MCF2L: variants seen among roughly 807,000 people sequenced by gnomAD.
The protein encoded by MCF2L is guanine nucleotide exchange factor DBS.
MCF2L carries 97 observed loss-of-function variants against 153.4 expected under a neutral mutation model. That is an observed-to-expected ratio of 0.63 (90% CI 0.54 to 0.75). MCF2L has a LOEUF of 0.75. Ranked by LOEUF, MCF2L falls within the 30% of genes least tolerant of loss-of-function variation. The probability of loss-of-function intolerance (pLI) is 0.00; values close to 1 mark genes in which losing one functional copy is unlikely to be tolerated. For synonymous variants in MCF2L, 659 were observed against 632.2 expected (o/e 1.04, Z -0.64); for missense variants, 1,347 against 1,495.2 (o/e 0.90, Z 1.64).
intron 4 of MCF2L, among the ~76,000 whole-genome samples, chr13:113,052,972 A>G (rs2087464167): frequency 6.6e-6 from 1 of 152,170 alleles, no homozygotes; most frequent in South Asian, 2.1e-4. Context: ...ACACAGGCAC[A>G]GAGACACACA....
At chr13:112,989,547 C>G (rs1319952127) in intron 1 of MCF2L, among the ~76,000 whole-genome samples, 2 of 17,616 alleles carry the variant, frequency 1.1e-4, no homozygotes, top group Non-Finnish European at 1.0e-3. Context: ...ATGGAGCTAC[C>G]ACACTGGAGT....
chr13:113,059,651 C>T (rs987288080), intron 4 of MCF2L, among the ~76,000 whole-genome samples: 6 of 152,168 alleles, frequency 3.9e-5, no homozygotes, highest in Admixed American at 6.5e-5. Flanking sequence ...GTCCACTGAA[C>T]GCCACGCACG....
intron 2 of MCF2L, among the ~76,000 whole-genome samples, chr13:112,962,322 C>G (rs1362237657): frequency 2.6e-5 from 4 of 152,222 alleles, no homozygotes; most frequent in Non-Finnish European, 4.4e-5. Flanking sequence ...TGCACATACA[C>G]ATACACACCT....
intron 15 of MCF2L, among the ~76,000 whole-genome samples, chr13:113,079,445 G>A (rs1033063899): frequency 7.2e-5 from 11 of 152,274 alleles, no homozygotes; most frequent in African/African-American, 2.6e-4. Context: ...CACTGTCTCC[G>A]TTTTTAGTAT....
At chr13:112,897,495 T>C (rs1006117544) in intron 1 of MCF2L, among the ~76,000 whole-genome samples, 11 of 152,072 alleles carry the variant, frequency 7.2e-5, no homozygotes, top group Admixed American at 3.3e-4. Context: ...CAAGCGGCCA[T>C]TGGAACCAGA....
rs558265907 is a variant in MCF2L at position 112,942,905 on chromosome 13, G to A, written c.169+40534G>A. 2.6e-5 allele frequency among the ~76,000 whole-genome samples: 4 copies of A among 152,290 alleles called. No homozygotes were observed. In the South Asian group the frequency reaches 8.3e-4, roughly 32 times the overall value. ...CCACATGCCAGCAGAGGGTGCTGTT[G>A]GGCAGGAAAGGTGGGACAGCACCCT... On this transcript the variant is annotated intron_variant, in intron 2 of 29. Transcript: ENST00000375608.
rs2081443984 is a variant in MCF2L at position 112,929,856 on chromosome 13, C to T, written c.169+27485C>T. ...CAGTTGGCTGCTTGTTGTTTTCTTC[C>T]GTTTGTGGCGATCCTTTCTTTCCCA... On this transcript the variant is annotated intron_variant, in intron 2 of 29. Coordinates refer to the MCF2L transcript ENST00000375608. 2.0e-5 allele frequency among the ~76,000 whole-genome samples: 3 copies of T among 152,336 alleles called. 1 individual carries two copies. Among genetic ancestry groups the T allele is most frequent in the South Asian group, 4.1e-4 (2 of 4,824 alleles).
intron 1 of MCF2L, among the ~76,000 whole-genome samples, chr13:112,999,681 C>T (rs187006681): frequency 5.0e-4 from 76 of 152,220 alleles, no homozygotes; most frequent in African/African-American, 1.6e-3. Flanking sequence ...TACATGTGTC[C>T]CAAGCCTGAG....
intron 2 of MCF2L, among the ~76,000 whole-genome samples, chr13:112,947,220 C>T (rs997731210): frequency 6.6e-6 from 1 of 152,176 alleles, no homozygotes; most frequent in Admixed American, 6.5e-5. Flanking sequence ...ACAGCATTGG[C>T]TATTAGGTTT....
rs1193262287 is a variant in MCF2L at position 113,078,580 on chromosome 13, T to C, written c.1735-86T>C. On this transcript the variant is annotated intron_variant, in intron 14 of 29. Coordinates refer to ENST00000535094, the MANE Select transcript of MCF2L (RefSeq NM_001112732.3). Reference sequence around the variant, plus strand: ...TCGTGGGAATTCAGCCCTGTCCCCATACGGGAACTGGTGGGCTCTGGCCTT... The same window carrying C: ...TCGTGGGAATTCAGCCCTGTCCCCACACGGGAACTGGTGGGCTCTGGCCTT... 2.1e-6 allele frequency: 3 copies of C among 1,426,990 alleles called. No homozygotes were observed. The African/African-American group carries it at 4.2e-5, about 20-fold the overall frequency. 88.4% of individuals were successfully genotyped at this position (1,426,990 alleles called of 1,614,324 possible).
At chr13:112,897,445 G>C (rs1394067852) in intron 1 of MCF2L, among the ~76,000 whole-genome samples, 1 of 152,198 alleles carries the variant, frequency 6.6e-6, no homozygotes, top group African/African-American at 2.4e-5. Context: ...GCCCTGAAAG[G>C]TCGTCCCCAT....
At chr13:112,999,572 C>G (rs1002160584) in intron 1 of MCF2L, among the ~76,000 whole-genome samples, 1 of 152,202 alleles carries the variant, frequency 6.6e-6, no homozygotes, top group Non-Finnish European at 1.5e-5. Flanking sequence ...CCCAGCCCTC[C>G]GTGTCCTCCA....
At chr13:113,090,258 A>G in intron 26 of MCF2L, 2 of 1,362,624 alleles carry the variant, frequency 1.5e-6, no homozygotes, top group Non-Finnish European at 1.9e-6. Flanking sequence ...AAGGGCGGCC[A>G]CGCAAAAGCG....
intron 2 of MCF2L, among the ~76,000 whole-genome samples, chr13:112,931,011 C>A (rs1449859507): frequency 6.6e-6 from 1 of 152,304 alleles, no homozygotes; most frequent in African/African-American, 2.4e-5. Flanking sequence ...AACCAGGAGA[C>A]ACAAGCCAGC....
In MCF2L at chr13:112,973,451, G is replaced by A. The variant is rs897124080; in HGVS notation, c.79+3993G>A. 3.9e-5 allele frequency among the ~76,000 whole-genome samples: 6 copies of A among 152,160 alleles called. No individual in the cohort carries two copies. In the South Asian group the frequency reaches 8.3e-4, roughly 21 times the overall value. ...TATGGATCTTGTTAGTAGGGATTCC[G>A]GAGCAGGTTTTAGAGATTTGAGCGG... On this transcript the variant is annotated intron_variant, in intron 1 of 29. Transcript: ENST00000535094.
intron 1 of MCF2L, among the ~76,000 whole-genome samples, chr13:112,981,748 G>A (rs114721753): frequency 0.024 from 3,720 of 152,318 alleles, 171 homozygotes; most frequent in African/African-American, 0.084. Flanking sequence ...CGGGCGGTGC[G>A]GGTGCGGCTC....
chr13:113,061,828 T>C (rs1180419012), intron 5 of MCF2L, among the ~76,000 whole-genome samples: 2 of 12,362 alleles, frequency 1.6e-4, no homozygotes, highest in African/African-American at 3.4e-4. Context: ...CCCTCTTTTC[T>C]CTCCCCTCCC....
rs1308700798 is a variant in MCF2L at position 112,993,795 on chromosome 13, T to C, written c.80-20968T>C. Among the ~76,000 whole-genome samples, 1 of 152,016 alleles carries C rather than the reference T, an allele frequency of 6.6e-6. No homozygotes were observed. The highest frequency in any genetic ancestry group is 2.4e-5 in the African/African-American group (1 of 41,376). On this transcript the variant is annotated intron_variant, in intron 1 of 29. Coordinates refer to ENST00000535094, the MANE Select transcript of MCF2L (RefSeq NM_001112732.3). This position sits in a 1 kb window ranked among gnomAD's most constrained non-coding sequence, Gnocchi z 4.6. The stretch of plus-strand genomic sequence containing the variant: ...TGTGAGCTGGGAATGGGGTCCTGGG[T>C]GAAGATGACACCACAGATACCTTGG...
rs747128886 is a variant in MCF2L, at chr13:113,096,820, C to T, written c.3339C>T (p.Ser1113=). 7.2e-6 allele frequency: 11 copies of T among 1,533,924 alleles called. No homozygotes were observed. In the Admixed American group the frequency reaches 9.7e-5, roughly 13 times the overall value. ...TGCTGAGCAACTCGTCCAGCTGCAG[C>T]GAGGGCGGCCAGGCCCCCTTCTCCG... ...SAVLSNSSSC[S]EGGQAPFSDL... Residue 1113 remains serine (S), a synonymous_variant, in exon 30 of 30, where the codon AGC becomes AGT. Transcript: ENST00000535094.
Sources: allele counts gnomAD v4.1 joint callset (sites outside exome capture counted in the v4.1 genomes callset), GRCh38; gene constraint gnomAD v4.1.1; non-coding constraint Gnocchi (gnomAD v3.1); transcripts MANE v1.5; gene names NCBI Gene and HGNC (gene_info 2026-07-23, HGNC 2026-07-21).